PTPRC: variants seen among roughly 807,000 people sequenced by gnomAD.
PTPRC encodes receptor-type tyrosine-protein phosphatase C.
A neutral mutation model predicts 155.9 loss-of-function variants in PTPRC; 44 were observed. That is an observed-to-expected ratio of 0.28 (90% CI 0.22 to 0.36). The LOEUF (loss-of-function observed/expected upper bound fraction) is 0.36. Among genes scored for constraint, PTPRC ranks in the 10% least tolerant of loss-of-function variants. The pLI is 1.00. For missense variants in PTPRC, 1,401 were observed against 1,564.6 expected (o/e 0.90, Z 1.76); for synonymous variants, 525 against 533.1 (o/e 0.98, Z 0.21).
At chr1:198,754,674 A>G (rs1438110935) in intron 32 of PTPRC, among the ~76,000 whole-genome samples, 1 of 152,032 alleles carries the variant, frequency 6.6e-6, no homozygotes, top group Non-Finnish European at 1.5e-5. Context: ...ATGCTCATGA[A>G]TTTCTTAATT....
At position 198,682,397 on chromosome 1, in the gene PTPRC, A is replaced by G. The variant is rs1325552320; in HGVS notation, c.74-9950A>G. On this transcript the variant is annotated intron_variant, in intron 2 of 32. Coordinates refer to ENST00000442510, the MANE Select transcript of PTPRC (RefSeq NM_002838.5). ...TTAGTTTCTATTAGGTGGACTCCCT[A>G]TAATCTAGCATTTATTTTCTGCTTT... Among the ~76,000 whole-genome samples the G allele has an allele frequency of 2.0e-5, 3 of 152,198 alleles. No individual in the cohort carries two copies. In the East Asian group the frequency reaches 5.8e-4, roughly 29 times the overall value.
intron 4 of PTPRC, among the ~76,000 whole-genome samples, chr1:198,697,548 A>C (rs1666262457): frequency 6.6e-6 from 1 of 152,206 alleles, no homozygotes; most frequent in Non-Finnish European, 1.5e-5. Flanking sequence ...AAGGAGGGGC[A>C]CTATGCTCCT....
At chr1:198,658,676 A>G (rs1026368351) in intron 2 of PTPRC, among the ~76,000 whole-genome samples, 8 of 152,134 alleles carry the variant, frequency 5.3e-5, no homozygotes, top group Non-Finnish European at 1.0e-4. Flanking sequence ...AAAGTTTGGC[A>G]TTTGTTACCC....
At chr1:198,679,880 C>T (rs1665202137) in intron 2 of PTPRC, 7 of 620,322 alleles carry the variant, frequency 1.1e-5, no homozygotes, top group South Asian at 9.5e-5. Context: ...TCAAGATCAT[C>T]CCATGAAATG....
intron 10 of PTPRC, among the ~76,000 whole-genome samples, chr1:198,709,094 A>C (rs1391508847): frequency 6.6e-6 from 1 of 152,208 alleles, no homozygotes; most frequent in East Asian, 1.9e-4. Context: ...TATTAGATGA[A>C]GACTAGGTGA....
intron 2 of PTPRC, among the ~76,000 whole-genome samples, chr1:198,691,938 G>T (rs1320814658): frequency 6.6e-6 from 1 of 151,906 alleles, no homozygotes; most frequent in Non-Finnish European, 1.5e-5. Flanking sequence ...TTTATATGTT[G>T]GTCATATTAT....
chr1:198,756,005 G>T lies in PTPRC; in HGVS notation c.3745G>T (p.Asp1249Tyr), dbSNP rs374678525. 1 of 1,613,360 alleles carries T rather than the reference G, an allele frequency of 6.2e-7. No homozygotes were observed. The highest frequency in any genetic ancestry group is 2.2e-5 in the East Asian group (1 of 44,814). ...CCATCAAGAAGATAAAATTGAATTT[G>T]ATAATGAAGTGGACAAAGTAAAGCA... ...NNHQEDKIEF[D>Y]NEVDKVKQDA... Residue 1249 changes from aspartate (D) to tyrosine (Y), a missense_variant, in exon 33 of 33, where the codon GAT becomes TAT. Physicochemically the swap from Asp to Tyr is radical, Grantham distance 160. Transcript: ENST00000442510.
chr1:198,742,456 C>T (rs1466046284), intron 25 of PTPRC, 89 bp downstream of exon 25: 2 of 1,505,336 alleles, frequency 1.3e-6, no homozygotes, highest in Middle Eastern at 2.1e-4. Context: ...TTTTAAAAAT[C>T]CAAATTCTTC....
intron 2 of PTPRC, among the ~76,000 whole-genome samples, chr1:198,659,267 A>G (rs1437929048): frequency 6.6e-6 from 1 of 152,182 alleles, no homozygotes; most frequent in African/African-American, 2.4e-5. Context: ...ATACTATTTT[A>G]TAGTAATTAC....
chr1:198,649,453 A>G (rs1317794042), intron 2 of PTPRC, among the ~76,000 whole-genome samples: 5 of 151,922 alleles, frequency 3.3e-5, no homozygotes. Context: ...CAGATAAACC[A>G]AAGAAAAAGG....
intron 5 of PTPRC, among the ~76,000 whole-genome samples, chr1:198,700,856 A>G (rs1163526944): frequency 6.6e-6 from 1 of 152,228 alleles, no homozygotes; most frequent in East Asian, 1.9e-4. Flanking sequence ...AACAAGGGAA[A>G]CGAAGTTTTC....
intron 2 of PTPRC, among the ~76,000 whole-genome samples, chr1:198,687,475 G>T (rs1220740769): frequency 6.6e-6 from 1 of 152,074 alleles, no homozygotes; most frequent in African/African-American, 2.4e-5. Flanking sequence ...CAGATATTTG[G>T]TTTTATAGTT....
At chr1:198,694,135 A>C (rs1195596817) in intron 3 of PTPRC, 3 of 1,539,502 alleles carry the variant, frequency 1.9e-6, no homozygotes, top group Non-Finnish European at 2.6e-6. Context: ...CTCACAAACC[A>C]CTGGAGTAAG....
intron 2 of PTPRC, among the ~76,000 whole-genome samples, chr1:198,649,182 A>G (rs1257270080): frequency 6.6e-6 from 1 of 151,892 alleles, no homozygotes. Flanking sequence ...GTGGATTCCA[A>G]TCATATAATT....
chr1:198,726,508 T>C (rs894987447), intron 15 of PTPRC, among the ~76,000 whole-genome samples: 1 of 152,172 alleles, frequency 6.6e-6, no homozygotes, highest in Non-Finnish European at 1.5e-5. Flanking sequence ...GAAACTCAAG[T>C]TTGGATAATT....
chr1:198,754,583 A>G (rs1655541516), intron 32 of PTPRC, 179 bp downstream of exon 32: 14 of 738,380 alleles, frequency 1.9e-5, no homozygotes, highest in Non-Finnish European at 3.0e-5. Context: ...GATAATTCAC[A>G]TTAAATTATT....
chr1:198,735,433 A>G (rs1167119831), intron 23 of PTPRC, among the ~76,000 whole-genome samples, 181 bp downstream of exon 23: 3 of 151,618 alleles, frequency 2.0e-5, no homozygotes, highest in Non-Finnish European at 4.4e-5. Context: ...TCACTGGTCA[A>G]GACGTTTTTG....
chr1:198,748,220 T>TTTTTTGTATATTTGTA, intron 27 of PTPRC, 21 bp downstream of exon 27: 1 of 1,590,044 alleles, frequency 6.3e-7, no homozygotes, highest in Non-Finnish European at 8.6e-7. Context: ...TATTTTTTTA[T>TTTTTTGTATATTTGTA]TTTTTGTATC....
At chr1:198,693,965 G>A (rs1666065565) in intron 3 of PTPRC, 6 of 1,528,854 alleles carry the variant, frequency 3.9e-6, no homozygotes, top group Non-Finnish European at 4.4e-6. Flanking sequence ...ATGTGTATAT[G>A]AGGGGTAGTT....
Sources: gnomAD v4.1 joint callset for allele counts (sites outside exome capture counted in the v4.1 genomes callset) on GRCh38, gnomAD v4.1.1 for gene constraint, MANE v1.5 for transcripts, NCBI Gene and HGNC (gene_info 2026-07-23, HGNC 2026-07-21) for gene names.